CALN1: variants seen among roughly 807,000 people sequenced by gnomAD.
CALN1 encodes calcium-binding protein 8.
CALN1 carries 17 observed loss-of-function variants against 30.6 expected under a neutral mutation model. The observed-to-expected ratio is 0.56, with a 90% CI of 0.38 to 0.83. The LOEUF (loss-of-function observed/expected upper bound fraction) is 0.83. CALN1 is among the 40% of genes least tolerant of loss of function. The pLI, the probability that CALN1 is intolerant of heterozygous loss-of-function variation, is 0.00. For synonymous variants in CALN1, 156 were observed against 131.4 expected, an observed-to-expected ratio of 1.19 and a Z score of -1.28; for missense variants, 291 against 354.9, an observed-to-expected ratio of 0.82 and a Z score of 1.45.
intron 2 of CALN1, among the ~76,000 whole-genome samples, chr7:72,304,083 A>C (rs1368607010): frequency 6.6e-6 from 1 of 152,260 alleles, no homozygotes; most frequent in Non-Finnish European, 1.5e-5. Flanking sequence ...GCAAAAAAGA[A>C]GAAAGAAATG....
intron 3 of CALN1, among the ~76,000 whole-genome samples, chr7:72,200,437 C>A (rs1791338462): frequency 1.3e-5 from 2 of 152,176 alleles, no homozygotes; most frequent in African/African-American, 4.8e-5. Flanking sequence ...TTTATTATTT[C>A]TAGGTTTCAA....
intron 5 of CALN1, among the ~76,000 whole-genome samples, chr7:71,834,444 T>C (rs60241184): frequency 0.018 from 2,695 of 150,752 alleles, 60 homozygotes; most frequent in African/African-American, 0.062. Context: ...ATAGAAGTGG[T>C]TGAGAGGAAC....
intron 4 of CALN1, among the ~76,000 whole-genome samples, chr7:72,099,489 A>G (rs2129540586): frequency 6.6e-6 from 1 of 151,888 alleles, no homozygotes; most frequent in East Asian, 1.9e-4. Flanking sequence ...AGAACAGCTC[A>G]AAAGGCCCCA....
chr7:72,456,132 C>G, the CALN1 span, among the ~76,000 whole-genome samples: 1 of 148,866 alleles, frequency 6.7e-6, no homozygotes, highest in Non-Finnish European at 1.5e-5. Flanking sequence ...TGCAGTGAGC[C>G]AAGATCGTGC....
intron 2 of CALN1, among the ~76,000 whole-genome samples, chr7:72,393,365 G>A (rs562286649): frequency 2.0e-5 from 3 of 152,152 alleles, no homozygotes; most frequent in African/African-American, 7.2e-5. Flanking sequence ...TCGGGAGGCT[G>A]AGGCAGGAGA....
At chr7:71,841,546 C>A (rs1013329296) in intron 5 of CALN1, among the ~76,000 whole-genome samples, 12 of 152,188 alleles carry the variant, frequency 7.9e-5, no homozygotes, top group Non-Finnish European at 1.5e-4. Flanking sequence ...CTAAGACACT[C>A]ACACTTGTAT....
chr7:72,066,893 C>T (rs537037691), intron 4 of CALN1, among the ~76,000 whole-genome samples: 56 of 151,950 alleles, frequency 3.7e-4, no homozygotes, highest in Admixed American at 1.4e-3. Context: ...GATATTCTCT[C>T]GCCTCAGCCT....
In CALN1 at chr7:72,336,815, C is replaced by G. The variant is rs901791440; in HGVS notation, c.120-58005G>C. On this transcript the variant is annotated intron_variant, in intron 2 of 6. Coordinates refer to ENST00000395275, the MANE Select transcript of CALN1 (RefSeq NM_031468.4). Reference sequence around the variant, plus strand: ...GGCGGTGCGGAATGGATGCGCCGAGCGGGCAGCGCTCAGCCTCTCGCTCAC... The same window carrying G: ...GGCGGTGCGGAATGGATGCGCCGAGGGGGCAGCGCTCAGCCTCTCGCTCAC... 1.3e-5 allele frequency: 13 copies of G among 985,010 alleles called. No individual in the cohort carries two copies. The African/African-American group carries it at 1.6e-4, about 12-fold the overall frequency. The allele number at this position is 985,010 out of a possible 1,614,324, so 61.0% of individuals were successfully genotyped here.
chr7:72,203,715 C>T (rs1791603226), intron 3 of CALN1, among the ~76,000 whole-genome samples: 1 of 152,152 alleles, frequency 6.6e-6, no homozygotes. Context: ...ATACAAAGAG[C>T]TTTATTCCTC....
chr7:72,455,321 ATG>A, the CALN1 span, among the ~76,000 whole-genome samples: 29,926 of 138,494 alleles, frequency 0.22, 3,226 homozygotes, highest in Non-Finnish European at 0.27. Flanking sequence ...ATATATATAT[ATG>A]TGTGTGTGTG....
chr7:72,106,649 G>A (rs920113214), intron 3 of CALN1, among the ~76,000 whole-genome samples: 1 of 127,354 alleles, frequency 7.9e-6, no homozygotes, highest in African/African-American at 2.9e-5. Flanking sequence ...GGGAGGGAGG[G>A]GGAAAAGGGA....
intron 3 of CALN1, among the ~76,000 whole-genome samples, chr7:72,190,907 A>G (rs537116709): frequency 9.2e-5 from 14 of 152,212 alleles, no homozygotes; most frequent in African/African-American, 3.1e-4. Context: ...TTGGCATTCA[A>G]TGGTATGTTT....
chr7:72,335,928 C>T (rs1375995950), intron 2 of CALN1, among the ~76,000 whole-genome samples: 9 of 152,154 alleles, frequency 5.9e-5, no homozygotes, highest in Non-Finnish European at 1.3e-4. Context: ...GACCAAGTCT[C>T]GGGAAGTTCA....
chr7:71,955,666 G>A (rs1237192752), intron 5 of CALN1, among the ~76,000 whole-genome samples: 1 of 151,988 alleles, frequency 6.6e-6, no homozygotes, highest in Non-Finnish European at 1.5e-5. Flanking sequence ...CAACATAGAG[G>A]TAATATAGGG....
chr7:72,410,904 G>A lies in CALN1; in HGVS notation c.-74+1154C>T, dbSNP rs376876542. 3.3e-5 allele frequency among the ~76,000 whole-genome samples: 5 copies of A among 152,054 alleles called. No individual in the cohort carries two copies. The East Asian group carries it at 9.6e-4, about 29-fold the overall frequency. ...TGCTACTATTAACACTGTATTGTAG[G>A]CATTAACCAACATGATTAGACAATT... On this transcript the variant is annotated intron_variant, in intron 1 of 6. Coordinates refer to ENST00000395275, the MANE Select transcript of CALN1 (RefSeq NM_031468.4).
At chr7:72,311,280 G>A (rs977275603) in intron 2 of CALN1, among the ~76,000 whole-genome samples, 3 of 151,968 alleles carry the variant, frequency 2.0e-5, no homozygotes, top group Non-Finnish European at 4.4e-5. Context: ...TTTACTGTAA[G>A]AACACAATAT....
At chr7:72,463,951 AGAAG>A in the CALN1 span, among the ~76,000 whole-genome samples, 14,982 of 124,822 alleles carry the variant, frequency 0.12, 1,642 homozygotes, top group East Asian at 0.29. Flanking sequence ...ACAAAGTGAG[AGAAG>A]GAAGGAAGGA....
intron 5 of CALN1, among the ~76,000 whole-genome samples, chr7:71,933,161 G>A (rs1037191225): frequency 1.3e-5 from 2 of 152,092 alleles, no homozygotes; most frequent in Non-Finnish European, 2.9e-5. Context: ...GTCCAAAATG[G>A]TGGCCCCATC....
At chr7:72,154,149 G>A (rs953602228) in intron 3 of CALN1, among the ~76,000 whole-genome samples, 1 of 151,836 alleles carries the variant, frequency 6.6e-6, no homozygotes, top group African/African-American at 2.4e-5. Flanking sequence ...AAATAGAAAT[G>A]GCTTCAACTC....
Sources: allele counts gnomAD v4.1 joint callset (sites outside exome capture counted in the v4.1 genomes callset), GRCh38; gene constraint gnomAD v4.1.1; transcripts MANE v1.5; gene names NCBI Gene and HGNC (gene_info 2026-07-23, HGNC 2026-07-21).